The following GRM7 variants were observed in gnomAD, a reference collection of about 807,000 sequenced individuals.
The protein encoded by GRM7 is metabotropic glutamate receptor 7.
In GRM7, 35 loss-of-function variants were observed where a neutral mutation model predicts 84.5. The ratio of observed to expected loss-of-function variants is 0.41; its 90% CI spans 0.32 to 0.55. The LOEUF is 0.55. GRM7 is among the 20% of genes least tolerant of loss of function. The probability of loss-of-function intolerance (pLI) is 0.19; values close to 1 mark genes in which losing one functional copy is unlikely to be tolerated. For missense variants in GRM7, 1,003 were observed against 1,194.6 expected (o/e 0.84, Z 2.36); for synonymous variants, 487 against 455.1 (o/e 1.07, Z -0.89).
intron 1 of GRM7, among the ~76,000 whole-genome samples, chr3:7,139,668 A>G (rs1012957376): frequency 1.3e-5 from 2 of 151,978 alleles, no homozygotes; most frequent in African/African-American, 4.8e-5. Context: ...GTTTAGAGTG[A>G]TATGTCGATA....
In GRM7 at chr3:6,986,666, T is replaced by C. The variant is rs184600595; in HGVS notation, c.519+124759T>C. Among the ~76,000 whole-genome samples the C allele has an allele frequency of 1.8e-3, 281 of 152,328 alleles. 1 individual carries two copies. Among genetic ancestry groups the C allele is most frequent in the African/African-American group, 6.5e-3 (271 of 41,570 alleles). On this transcript the variant is annotated intron_variant, in intron 1 of 9. Coordinates refer to ENST00000357716, the MANE Select transcript of GRM7 (RefSeq NM_000844.4). The stretch of plus-strand genomic sequence containing the variant: ...TGTATGGAATAGGCTGCTGTGTTTT[T>C]TGACTTAGCTAACTTCGGCCTGATC...
chr3:7,463,506 G>A (rs975582372), intron 7 of GRM7, among the ~76,000 whole-genome samples: 21 of 152,250 alleles, frequency 1.4e-4, no homozygotes, highest in African/African-American at 3.6e-4. Context: ...TAGGTACACA[G>A]TGGAGGTGAA....
At chr3:7,331,929 G>C (rs1701224650) in intron 4 of GRM7, among the ~76,000 whole-genome samples, 1 of 152,130 alleles carries the variant, frequency 6.6e-6, no homozygotes, top group Non-Finnish European at 1.5e-5. Context: ...ATTATATTGA[G>C]CGTGTCTGGA....
chr3:7,390,642 C>T (rs1421730804), intron 4 of GRM7, among the ~76,000 whole-genome samples: 1 of 152,050 alleles, frequency 6.6e-6, no homozygotes, highest in Non-Finnish European at 1.5e-5. Context: ...TTCACTTAGT[C>T]TGTTAAGGCG....
chr3:7,705,070 G>T (rs1575653768), intron 9 of GRM7, among the ~76,000 whole-genome samples: 2 of 152,190 alleles, frequency 1.3e-5, no homozygotes, highest in South Asian at 2.1e-4. Flanking sequence ...CTGTGCCAAG[G>T]TCTAGAGGGT....
intron 1 of GRM7, among the ~76,000 whole-genome samples, chr3:7,087,215 T>A (rs1698488499): frequency 6.6e-6 from 1 of 152,192 alleles, no homozygotes; most frequent in Non-Finnish European, 1.5e-5. Flanking sequence ...ATTGCTAGAT[T>A]AAGGAATGTT....
intron 8 of GRM7, among the ~76,000 whole-genome samples, chr3:7,679,536 T>C (rs3804839): frequency 0.025 from 3,843 of 152,184 alleles, 124 homozygotes; most frequent in African/African-American, 0.068. Flanking sequence ...GAAAGTCAAC[T>C]CACTATTCAG....
intron 8 of GRM7, among the ~76,000 whole-genome samples, chr3:7,661,655 G>A (rs557479290): frequency 1.3e-5 from 2 of 151,496 alleles, no homozygotes; most frequent in African/African-American, 4.8e-5. Flanking sequence ...TTAGCCGGGC[G>A]TCGTGGCGGG....
intron 1 of GRM7, among the ~76,000 whole-genome samples, chr3:7,062,310 A>G (rs1003524421): frequency 6.6e-6 from 1 of 151,594 alleles, no homozygotes; most frequent in Admixed American, 6.6e-5. Context: ...AAAGAACATG[A>G]AGGAGACGGT....
intron 2 of GRM7, among the ~76,000 whole-genome samples, chr3:7,156,589 G>C (rs1037985450): frequency 1.3e-5 from 2 of 152,014 alleles, no homozygotes; most frequent in African/African-American, 4.8e-5. Flanking sequence ...CCCCATATCT[G>C]TTATATGAAA....
chr3:7,469,859 G>A (rs1308574815), intron 7 of GRM7, among the ~76,000 whole-genome samples: 1 of 152,126 alleles, frequency 6.6e-6, no homozygotes, highest in Non-Finnish European at 1.5e-5. Context: ...CTTCCCATTT[G>A]TCAGTTAACT....
chr3:7,466,059 C>T (rs939298706), intron 7 of GRM7, among the ~76,000 whole-genome samples: 1 of 152,156 alleles, frequency 6.6e-6, no homozygotes, highest in African/African-American at 2.4e-5. Context: ...GTAACCTCTA[C>T]AGAAACAACC....
intron 7 of GRM7, among the ~76,000 whole-genome samples, chr3:7,518,896 C>T (rs1385088143): frequency 2.0e-5 from 3 of 152,182 alleles, no homozygotes; most frequent in African/African-American, 4.8e-5. Flanking sequence ...TTTAGCTGGT[C>T]GTTTTTAAAA....
At chr3:7,066,605 T>C (rs965475695) in intron 1 of GRM7, among the ~76,000 whole-genome samples, 1 of 151,732 alleles carries the variant, frequency 6.6e-6, no homozygotes, top group African/African-American at 2.4e-5. Flanking sequence ...ATTCAAAGAA[T>C]TGGTACCAAT....
chr3:6,918,372 T>TAA lies in GRM7; in HGVS notation c.519+56466_519+56467insAA, dbSNP rs540423157. On this transcript the variant is annotated intron_variant, in intron 1 of 9. Transcript: ENST00000357716. ...TAGGTACCCAGTTCCTCCTTCGTGT[T>TAA]ACTTAAGAGTCTGGTGAGGTATTTA... 5.3e-5 allele frequency among the ~76,000 whole-genome samples: 8 copies of TAA among 152,312 alleles called. No homozygotes were observed. In the South Asian group the frequency reaches 1.4e-3, roughly 28 times the overall value.
chr3:7,382,560 T>C (rs1694631278), intron 4 of GRM7, among the ~76,000 whole-genome samples: 1 of 152,176 alleles, frequency 6.6e-6, no homozygotes, highest in Non-Finnish European at 1.5e-5. Flanking sequence ...TCATGTTTTG[T>C]TCCCTCATGT....
At chr3:7,717,273 T>TA (rs1055602701) in intron 9 of GRM7, among the ~76,000 whole-genome samples, 1 of 151,992 alleles carries the variant, frequency 6.6e-6, no homozygotes, top group Non-Finnish European at 1.5e-5. Context: ...ACTTACTTCT[T>TA]AAAAAAAATT....
intron 4 of GRM7, among the ~76,000 whole-genome samples, chr3:7,382,912 T>A (rs149936221): frequency 1.3e-5 from 2 of 152,308 alleles, no homozygotes; most frequent in East Asian, 3.9e-4. Context: ...CACACATACT[T>A]TGCTTAATAC....
chr3:7,349,174 C>T (rs990593466), intron 4 of GRM7, among the ~76,000 whole-genome samples: 1 of 152,206 alleles, frequency 6.6e-6, no homozygotes, highest in Non-Finnish European at 1.5e-5. Context: ...CAGCTTAGCT[C>T]GTCACAATGA....
Sources: gnomAD v4.1 joint callset for allele counts (sites outside exome capture counted in the v4.1 genomes callset) on GRCh38, gnomAD v4.1.1 for gene constraint, MANE v1.5 for transcripts, NCBI Gene and HGNC (gene_info 2026-07-23, HGNC 2026-07-21) for gene names.